The following PC variants were observed in gnomAD, a reference collection of about 807,000 sequenced individuals.
PC encodes pyruvate carboxylase.
PC carries 46 observed loss-of-function variants against 107.8 expected under a neutral mutation model. The ratio of observed to expected loss-of-function variants is 0.43; its 90% confidence interval spans 0.34 to 0.55. The LOEUF is 0.55. Among genes scored for constraint, PC ranks in the 20% least tolerant of loss-of-function variants. The pLI, the probability that PC is intolerant of heterozygous loss-of-function variation, is 0.04. For missense variants in PC, 1,241 were observed against 1,643.1 expected (o/e 0.76, Z 4.23); for synonymous variants, 662 against 684.7 (o/e 0.97, Z 0.52).
At chr11:66,885,217 G>A (rs564188349) in intron 3 of PC, among the ~76,000 whole-genome samples, 3 of 152,258 alleles carry the variant, frequency 2.0e-5, no homozygotes, top group African/African-American at 4.8e-5. Flanking sequence ...GGCCAGGCGC[G>A]ATGGCTCACG....
rs757409486 is a variant in PC at position 66,851,742 on chromosome 11, C to T, written c.1982+48G>A. 13 of 1,601,408 alleles carry T rather than the reference C, an allele frequency of 8.1e-6. 1 individual carries two copies. The highest frequency in any genetic ancestry group is 3.3e-4 in the Middle Eastern group (2 of 6,046). On this transcript the variant is annotated intron_variant, in intron 16 of 22. Transcript: ENST00000393960. ...AGGCCATCACGACATGGCTCGGTAC[C>T]CTCTGGGCCACACCAGGTAGCGTCT...
In PC at chr11:66,870,377, C is replaced by G. The variant is rs1033555566; in HGVS notation, c.828G>C (p.Glu276Asp). 6.2e-7 allele frequency: 1 copy of G among 1,613,680 alleles called. No homozygotes were observed. Among genetic ancestry groups the G allele is most frequent in the Non-Finnish European group, 8.5e-7 (1 of 1,180,012 alleles). The change falls in exon 9 of 23, where the codon GAG (glutamate) becomes GAC (aspartate). Residue 276 changes from glutamate to aspartate, a missense_variant. Glu to Asp is a conservative substitution (Grantham distance 45). Transcript: ENST00000393960. This position sits in a 1 kb window ranked among gnomAD's most constrained non-coding sequence, Gnocchi z 6.1. ...SIQRRHQKVV[E>D]IAPAAHLDPQ... is the part of the protein sequence containing the mutation. ...GGTCCAGGTGGGCGGCGGGGGCAAT[C>G]TCGACCACCTTCTGGTGCCGCCGCT...
chr11:66,896,689 C>T (rs911652099), intron 3 of PC, among the ~76,000 whole-genome samples: 9 of 152,208 alleles, frequency 5.9e-5, no homozygotes, highest in Non-Finnish European at 1.0e-4. Context: ...CCGCAAGACA[C>T]GAAAGCAGCA....
In PC at chr11:66,905,168, G is replaced by A. The variant is rs368863073; in HGVS notation, c.1-33009C>T. ...AAATCACTATCTGCTGACGAGGCAA[G>A]ACTGGCACAGCCAACATATAACAAA... On this transcript the variant is annotated intron_variant, in intron 3 of 22. Transcript: ENST00000393960. 3.9e-5 allele frequency among the ~76,000 whole-genome samples: 6 copies of A among 152,260 alleles called. No homozygotes were observed. The South Asian group carries it at 1.2e-3, about 31-fold the overall frequency.
intron 3 of PC, among the ~76,000 whole-genome samples, chr11:66,924,400 A>G (rs965876531): frequency 7.1e-6 from 1 of 141,046 alleles, no homozygotes; most frequent in African/African-American, 2.6e-5. Context: ...TTAGCTAGGC[A>G]TGACAGTGCA....
intron 3 of PC, among the ~76,000 whole-genome samples, chr11:66,895,090 C>T (rs947694633): frequency 2.0e-5 from 3 of 151,824 alleles, no homozygotes; most frequent in African/African-American, 7.3e-5. Context: ...GAGACCTCCC[C>T]TCTCCAGCCC....
At chr11:66,920,692 A>T (rs758596287) in intron 3 of PC, among the ~76,000 whole-genome samples, 1 of 152,026 alleles carries the variant, frequency 6.6e-6, no homozygotes, top group East Asian at 1.9e-4. Flanking sequence ...CAGAACTCCA[A>T]CCTCCTCAGG....
At chr11:66,898,330 T>C (rs1947831994) in intron 3 of PC, among the ~76,000 whole-genome samples, 1 of 152,176 alleles carries the variant, frequency 6.6e-6, no homozygotes, top group South Asian at 2.1e-4. Flanking sequence ...AGGGTTTTGT[T>C]TTTTAACAGC....
chr11:66,906,106 G>A (rs770732356), intron 3 of PC, among the ~76,000 whole-genome samples: 4 of 152,168 alleles, frequency 2.6e-5, no homozygotes, highest in African/African-American at 2.4e-5. Flanking sequence ...GGGAAGGGCA[G>A]CACCAAAGCA....
intron 3 of PC, among the ~76,000 whole-genome samples, chr11:66,948,311 T>TAC (rs750554281): frequency 4.6e-5 from 7 of 151,832 alleles, no homozygotes; most frequent in Non-Finnish European, 1.0e-4. Context: ...AAAGAATATA[T>TAC]ACTGTATGAG....
At chr11:66,893,221 G>T (rs1003664668) in intron 3 of PC, among the ~76,000 whole-genome samples, 4 of 152,086 alleles carry the variant, frequency 2.6e-5, no homozygotes, top group Non-Finnish European at 5.9e-5. Flanking sequence ...AGCCTGACAC[G>T]GGCCACAGTG....
Position 66,871,595 on chromosome 11 carries a change from A to G in PC, c.321+92T>C. 1.9e-6 allele frequency: 3 copies of G among 1,574,452 alleles called. No homozygotes were observed. The highest frequency in any genetic ancestry group is 2.6e-6 in the Non-Finnish European group (3 of 1,150,192). ...CATCCGTTTACCCACCCACGCACAG[A>G]GGCGCTGAGCACGCCAGCCTCAAGA... On this transcript the variant is annotated intron_variant, in intron 5 of 22. Coordinates refer to ENST00000393960, the MANE Select transcript of PC (RefSeq NM_001040716.2). The surrounding 1 kb of genome is among the most constrained non-coding windows in gnomAD (Gnocchi z 7.4).
Position 66,852,066 on chromosome 11 carries a change from C to T in PC, c.1826-120G>A, listed in dbSNP as rs779056438. 2.9e-6 allele frequency: 3 copies of T among 1,033,284 alleles called. No homozygotes were observed. Among genetic ancestry groups the T allele is most frequent in the Non-Finnish European group, 4.4e-6 (3 of 686,312 alleles). 64.0% of individuals were successfully genotyped at this position (1,033,284 alleles called of 1,614,324 possible). ...AATACCAGGTCCTGCTCATCTTCGC[C>T]ATACCTGTGTTCCCTGCTCCAACCC... On this transcript the variant is annotated intron_variant, in intron 15 of 22. Coordinates refer to ENST00000393960, the MANE Select transcript of PC (RefSeq NM_001040716.2). This position sits in a 1 kb window ranked among gnomAD's most constrained non-coding sequence, Gnocchi z 4.7.
At chr11:66,882,589 C>T (rs10896139) in intron 3 of PC, among the ~76,000 whole-genome samples, 48,406 of 152,088 alleles carry the variant, frequency 0.32, 8,426 homozygotes, top group African/African-American at 0.47. Context: ...AACAAAGCTC[C>T]ACACACCTAC....
Position 66,849,058 on chromosome 11 carries a change from C to A in PC, c.3378G>T (p.Val1126=). 2 of 1,614,114 alleles carry A rather than the reference C, an allele frequency of 1.2e-6. No homozygotes were observed. Among genetic ancestry groups the A allele is most frequent in the Non-Finnish European group, 1.7e-6 (2 of 1,180,046 alleles). The change falls in exon 23 of 23, where the codon GTG becomes GTT. Residue 1126 remains valine, a synonymous_variant. Coordinates refer to ENST00000393960, the MANE Select transcript of PC (RefSeq NM_001040716.2). ...MPGKVIDIKV[V]AGAKVAKGQP... ...GGCCCTTGGCCACCTTGGCCCCTGC[C>A]ACCACTTTGATGTCTATCACCTTCC...
chr11:66,928,045 G>T (rs1190567743), intron 3 of PC, among the ~76,000 whole-genome samples: 1 of 152,130 alleles, frequency 6.6e-6, no homozygotes, highest in South Asian at 2.1e-4. Context: ...GATTTCAGAT[G>T]CCTATGTTGT....
At chr11:66,849,881 C>T (rs188719559) in intron 20 of PC, 22 bp from the exon 21 acceptor site, 2 of 1,613,654 alleles carry the variant, frequency 1.2e-6, no homozygotes, top group African/African-American at 2.7e-5. Flanking sequence ...AGCAGAGGAT[C>T]AGTCCCAAGT....
rs71045970 is a variant in PC at position 66,924,369 on chromosome 11, CAAAA to C, written c.-1+28057_-1+28060del. Among the ~76,000 whole-genome samples, 9 of 65,558 alleles carry C rather than the reference CAAAA, an allele frequency of 1.4e-4. No homozygotes were observed. The East Asian group carries it at 1.8e-3, about 13-fold the overall frequency. The allele number at this position is 65,558 out of a possible 152,430, so 43.0% of individuals were successfully genotyped here. The stretch of plus-strand genomic sequence containing the variant: ...TAACATAGCAAGACCCCATCTCTAC[CAAAA>C]AAAAAAAAAAAAAAAATTAGCTAGG... On this transcript the variant is annotated intron_variant, in intron 3 of 22. Transcript: ENST00000393960.
At chr11:66,941,100 A>AT (rs1555048763) in intron 3 of PC, among the ~76,000 whole-genome samples, 4 of 149,048 alleles carry the variant, frequency 2.7e-5, no homozygotes, top group African/African-American at 7.4e-5. Flanking sequence ...AAAAAAAAAA[A>AT]GGTGCTCAAC....
Sources: allele counts gnomAD v4.1 joint callset (sites outside exome capture counted in the v4.1 genomes callset), GRCh38; gene constraint gnomAD v4.1.1; non-coding constraint Gnocchi (gnomAD v3.1); transcripts MANE v1.5; gene names NCBI Gene and HGNC (gene_info 2026-07-23, HGNC 2026-07-21).